SYT1: variants seen among roughly 807,000 people sequenced by gnomAD.
SYT1 encodes the protein synaptotagmin 1, also known as synaptotagmin-1.
SYT1 carries 8 observed loss-of-function variants against 44.8 expected under a neutral mutation model. That is an observed-to-expected ratio of 0.18 (90% CI 0.10 to 0.32). The LOEUF is 0.32. Ranked by LOEUF, SYT1 falls within the 10% of genes least tolerant of loss-of-function variation. The probability of loss-of-function intolerance (pLI) is 1.00; values close to 1 mark genes in which losing one functional copy is unlikely to be tolerated. For synonymous variants in SYT1, 154 were observed against 188.8 expected (o/e 0.82, Z 1.51); for missense variants, 286 against 509.3 (o/e 0.56, Z 4.22).
At chr12:79,365,831 C>T (rs1322045428) in intron 9 of SYT1, among the ~76,000 whole-genome samples, 8 of 51,014 alleles carry the variant, frequency 1.6e-4, no homozygotes, top group South Asian at 6.8e-4. Context: ...GCAAAGAGTA[C>T]CAGAAAAAAA....
At chr12:78,963,172 CAT>C (rs532927334) in intron 1 of SYT1, among the ~76,000 whole-genome samples, 19 of 150,384 alleles carry the variant, frequency 1.3e-4, no homozygotes, top group South Asian at 2.1e-4. Context: ...TATTCAATCG[CAT>C]ATATATATAT....
intron 3 of SYT1, among the ~76,000 whole-genome samples, chr12:79,056,282 A>G (rs1874936797): frequency 6.6e-6 from 1 of 152,072 alleles, no homozygotes; most frequent in South Asian, 2.1e-4. Context: ...CTGGTTGGAA[A>G]TCTTTAACAC....
intron 2 of SYT1, among the ~76,000 whole-genome samples, chr12:79,034,663 A>G (rs950560761): frequency 1.3e-5 from 2 of 151,680 alleles, no homozygotes; most frequent in African/African-American, 4.8e-5. Context: ...AGCAGCTGTA[A>G]TTTTTTTAAA....
At chr12:78,958,243 A>G (rs2137324737) in intron 1 of SYT1, among the ~76,000 whole-genome samples, 1 of 152,294 alleles carries the variant, frequency 6.6e-6, no homozygotes, top group South Asian at 2.1e-4. Context: ...TAATCAATAA[A>G]CACTTCAAAT....
intron 3 of SYT1, among the ~76,000 whole-genome samples, chr12:79,103,421 C>T (rs549663694): frequency 6.6e-6 from 1 of 151,856 alleles, no homozygotes; most frequent in East Asian, 1.9e-4. Context: ...TTTCATTTAA[C>T]ATGTTAAATG....
At chr12:78,959,354 G>A (rs992312811) in intron 1 of SYT1, among the ~76,000 whole-genome samples, 2 of 151,944 alleles carry the variant, frequency 1.3e-5, no homozygotes, top group African/African-American at 4.8e-5. Flanking sequence ...AAAATTATAG[G>A]TAACTGCAAA....
chr12:79,204,779 T>A (rs1874001901), intron 3 of SYT1, among the ~76,000 whole-genome samples: 2 of 7,402 alleles, frequency 2.7e-4, no homozygotes, highest in Non-Finnish European at 5.2e-4. Context: ...CTGTTGTAAC[T>A]TTTTTTTTTT....
chr12:78,973,150 T>A (rs966172672), intron 1 of SYT1, among the ~76,000 whole-genome samples: 2 of 152,202 alleles, frequency 1.3e-5, no homozygotes, highest in African/African-American at 4.8e-5. Context: ...GGAAAAATGA[T>A]ATGTATTTAC....
intron 6 of SYT1, among the ~76,000 whole-genome samples, chr12:79,295,053 T>C (rs1037858979): frequency 2.6e-5 from 4 of 152,144 alleles, no homozygotes; most frequent in Non-Finnish European, 5.9e-5. Context: ...GAATTGCTTT[T>C]TTACTCTACT....
chr12:79,141,066 T>C (rs1869527810), intron 3 of SYT1, among the ~76,000 whole-genome samples: 1 of 152,188 alleles, frequency 6.6e-6, no homozygotes, highest in South Asian at 2.1e-4. Context: ...ACAAAAACTA[T>C]TTTTATCTGT....
At chr12:79,353,422 A>T (rs1035843091) in intron 8 of SYT1, 80 bp from the exon 9 acceptor site, 1 of 1,094,912 alleles carries the variant, frequency 9.1e-7, no homozygotes, top group Non-Finnish European at 1.4e-6. Flanking sequence ...CCTCCTCTTG[A>T]AGAATTTACA....
chr12:79,017,671 A>G (rs1871896390), intron 2 of SYT1, among the ~76,000 whole-genome samples: 1 of 152,084 alleles, frequency 6.6e-6, no homozygotes, highest in Admixed American at 6.6e-5. Context: ...GGTTGGAAAT[A>G]TAAAAAGAGG....
intron 9 of SYT1, among the ~76,000 whole-genome samples, 176 bp downstream of exon 9, chr12:79,353,795 A>G (rs1883005510): frequency 6.6e-6 from 1 of 152,204 alleles, no homozygotes; most frequent in African/African-American, 2.4e-5. Context: ...GCCACTCTCA[A>G]TTCATAGGAA....
intron 3 of SYT1, among the ~76,000 whole-genome samples, chr12:79,194,858 T>G (rs1291976043): frequency 6.6e-6 from 1 of 152,186 alleles, no homozygotes; most frequent in African/African-American, 2.4e-5. Flanking sequence ...TCAAAACCAG[T>G]TCTCAGCTGC....
chr12:78,972,947 A>T (rs555921321), intron 1 of SYT1, among the ~76,000 whole-genome samples: 60 of 152,248 alleles, frequency 3.9e-4, no homozygotes, highest in Non-Finnish European at 8.1e-4. Context: ...ATTGAATCTT[A>T]CTCTACAATA....
Position 78,928,874 on chromosome 12 carries a change from C to T in SYT1, c.-216-48925C>T, listed in dbSNP as rs543309628. Among the ~76,000 whole-genome samples the T allele has an allele frequency of 1.7e-3, 266 of 152,048 alleles. 1 individual carries two copies. The highest frequency in any genetic ancestry group is 6.2e-3 in the African/African-American group (258 of 41,470). On this transcript the variant is annotated intron_variant, in intron 1 of 10. Coordinates refer to ENST00000261205, the MANE Select transcript of SYT1 (RefSeq NM_005639.3). ...GTAACTAAAGCCATGAAAACCAAAC[C>T]TTGAACAAGAGGGGAATGCTGTATA...
At chr12:79,314,356 G>A (rs1315852262) in intron 8 of SYT1, among the ~76,000 whole-genome samples, 4 of 152,020 alleles carry the variant, frequency 2.6e-5, no homozygotes, top group Non-Finnish European at 5.9e-5. Flanking sequence ...ATAAAAAAGT[G>A]GATATCTGAG....
At chr12:79,300,094 C>T (rs1399377020) in intron 8 of SYT1, among the ~76,000 whole-genome samples, 2 of 152,112 alleles carry the variant, frequency 1.3e-5, no homozygotes, top group African/African-American at 4.8e-5. Context: ...TTAAATGACT[C>T]ACATTTTTAT....
intron 2 of SYT1, among the ~76,000 whole-genome samples, chr12:79,012,869 G>A (rs986826190): frequency 3.9e-5 from 6 of 152,072 alleles, no homozygotes; most frequent in African/African-American, 1.4e-4. Context: ...TCCTTAATGT[G>A]GCTTGCTGTG....
Sources: gnomAD v4.1 joint callset for allele counts (sites outside exome capture counted in the v4.1 genomes callset) on GRCh38, gnomAD v4.1.1 for gene constraint, MANE v1.5 for transcripts, NCBI Gene and HGNC (gene_info 2026-07-23, HGNC 2026-07-21) for gene names.